The following CCDC60 variants were observed in gnomAD, a reference collection of about 807,000 sequenced individuals.
CCDC60 encodes coiled-coil domain containing 60.
CCDC60 carries 54 observed loss-of-function variants against 63.5 expected under a neutral mutation model. The ratio of observed to expected loss-of-function variants is 0.85; its 90% CI spans 0.68 to 1.07. The LOEUF (loss-of-function observed/expected upper bound fraction) is 1.07. CCDC60 is among the 50% of genes least tolerant of loss of function. The pLI is 0.00. For synonymous variants in CCDC60, 206 were observed against 238.8 expected (o/e 0.86, Z 1.27); for missense variants, 651 against 684.3 (o/e 0.95, Z 0.54).
At chr12:119,359,098 A>G (rs74437709) in intron 1 of CCDC60, among the ~76,000 whole-genome samples, 8,549 of 152,256 alleles carry the variant, frequency 0.056, 294 homozygotes, top group Non-Finnish European at 0.07. Flanking sequence ...ATCCTCAACA[A>G]TCTTGGTATT....
chr12:119,493,534 G>GA (rs3214102), intron 5 of CCDC60, among the ~76,000 whole-genome samples: 9,004 of 144,550 alleles, frequency 0.062, 325 homozygotes, highest in Non-Finnish European at 0.088. Context: ...GCTTTATTGA[G>GA]AAAAAAAAAA....
At chr12:119,388,540 G>A (rs1317062952) in intron 1 of CCDC60, among the ~76,000 whole-genome samples, 1 of 152,142 alleles carries the variant, frequency 6.6e-6, no homozygotes, top group Non-Finnish European at 1.5e-5. Flanking sequence ...CAAGATTGAG[G>A]ATCATCTATA....
chr12:119,415,034 C>T (rs185083729), intron 1 of CCDC60, among the ~76,000 whole-genome samples: 4 of 152,342 alleles, frequency 2.6e-5, no homozygotes, highest in Non-Finnish European at 5.9e-5. Context: ...ATGCAAAATG[C>T]TTAGCACAGT....
chr12:119,499,592 A>G (rs974367477), intron 5 of CCDC60, among the ~76,000 whole-genome samples: 7 of 152,192 alleles, frequency 4.6e-5, no homozygotes, highest in Non-Finnish European at 7.4e-5. Context: ...ATGCCCAGTC[A>G]ACCTCCAATC....
intron 1 of CCDC60, among the ~76,000 whole-genome samples, chr12:119,393,246 C>A (rs1455342663): frequency 6.6e-6 from 1 of 152,154 alleles, no homozygotes; most frequent in Non-Finnish European, 1.5e-5. Flanking sequence ...CAAACTCAAT[C>A]GTGTGTTTTT....
intron 2 of CCDC60, among the ~76,000 whole-genome samples, chr12:119,439,929 A>G (rs1220763427): frequency 6.6e-6 from 1 of 152,240 alleles, no homozygotes; most frequent in Non-Finnish European, 1.5e-5. Context: ...ACATGGAAGA[A>G]GCTGGAAGCC....
chr12:119,533,156 A>G (rs1303389275), intron 13 of CCDC60, among the ~76,000 whole-genome samples: 1 of 152,146 alleles, frequency 6.6e-6, no homozygotes, highest in Non-Finnish European at 1.5e-5. Context: ...ATTTGCAATT[A>G]TCTAATGACC....
intron 13 of CCDC60, 113 bp from the exon 14 acceptor site, chr12:119,540,501 C>T (rs1953130217): frequency 2.6e-6 from 2 of 764,596 alleles, no homozygotes; most frequent in Non-Finnish European, 4.5e-6. Context: ...AAATGGTATT[C>T]CTGGGGCCAC....
rs55694840 is a variant in CCDC60 at position 119,524,721 on chromosome 12, C to CTTTTTTTTTTTTTTTTTTTTTTTTT, written c.1229+922_1229+923insTTTTTTTTTTTTTTTTTTTTTTTTT. On this transcript the variant is annotated intron_variant, in intron 11 of 13. Coordinates refer to ENST00000327554, the MANE Select transcript of CCDC60 (RefSeq NM_178499.5). ...ACAGCAGTTTCTTTTCTTTTCTTTT[C>CTTTTTTTTTTTTTTTTTTTTTTTTT]TTTTTTTTTTTTTTTTTTTGAGACA... Among the ~76,000 whole-genome samples the CTTTTTTTTTTTTTTTTTTTTTTTTT allele has an allele frequency of 5.5e-4, 54 of 99,036 alleles. 3 individuals carry two copies. The highest frequency in any genetic ancestry group is 8.9e-4 in the African/African-American group (19 of 21,266). The allele number at this position is 99,036 out of a possible 152,430, so 65.0% of individuals were successfully genotyped here. A position where few individuals can be genotyped will look rare whatever the true frequency, so the allele number is the denominator to read the frequency against.
chr12:119,497,713 GA>G (rs1593174486), intron 5 of CCDC60, among the ~76,000 whole-genome samples: 1 of 150,660 alleles, frequency 6.6e-6, no homozygotes, highest in Admixed American at 6.6e-5. Context: ...AGGGAAATGC[GA>G]AAAGCCCTGT....
Position 119,420,824 on chromosome 12 carries a change from G to C in CCDC60, c.91-7859G>C, listed in dbSNP as rs1186332585. On this transcript the variant is annotated intron_variant, in intron 1 of 13. Coordinates refer to ENST00000327554, the MANE Select transcript of CCDC60 (RefSeq NM_178499.5). This position sits in a 1 kb window ranked among gnomAD's most constrained non-coding sequence, Gnocchi z 4.1. The stretch of plus-strand genomic sequence containing the variant: ...TGTATCAAAACAACTCATGTATTCC[G>C]TAAATATATGCACTTATTATGTACC... Among the ~76,000 whole-genome samples, 1 of 151,938 alleles carries C rather than the reference G, an allele frequency of 6.6e-6. No individual in the cohort carries two copies. The highest frequency in any genetic ancestry group is 1.5e-5 in the Non-Finnish European group (1 of 67,998).
chr12:119,521,187 T>G (rs1952519019), intron 9 of CCDC60, among the ~76,000 whole-genome samples: 1 of 152,248 alleles, frequency 6.6e-6, no homozygotes, highest in Non-Finnish European at 1.5e-5. Flanking sequence ...TTTGGATTAG[T>G]GTTGAGTATA....
chr12:119,493,832 GT>G (rs34382641), intron 5 of CCDC60, among the ~76,000 whole-genome samples: 2 of 151,682 alleles, frequency 1.3e-5, no homozygotes, highest in South Asian at 2.1e-4. Context: ...AATTCTGAGG[GT>G]TTTTTTTGTT....
intron 1 of CCDC60, among the ~76,000 whole-genome samples, chr12:119,403,209 G>A (rs1259676918): frequency 6.6e-6 from 1 of 152,030 alleles, no homozygotes; most frequent in Non-Finnish European, 1.5e-5. Flanking sequence ...TAAATACCTT[G>A]GTTTTTCTTT....
intron 1 of CCDC60, among the ~76,000 whole-genome samples, chr12:119,360,157 G>GC (rs1955762473): frequency 1.4e-5 from 2 of 148,126 alleles, no homozygotes; most frequent in African/African-American, 2.5e-5. Flanking sequence ...CTGGCCGGGC[G>GC]GGGGGCTGAC....
chr12:119,415,700 A>C (rs2136206464), intron 1 of CCDC60, among the ~76,000 whole-genome samples: 1 of 152,326 alleles, frequency 6.6e-6, no homozygotes, highest in African/African-American at 2.4e-5. Flanking sequence ...CTCTCTAGGA[A>C]GCAAAGTCAA....
At chr12:119,362,960 T>A (rs948558495) in intron 1 of CCDC60, among the ~76,000 whole-genome samples, 1 of 152,100 alleles carries the variant, frequency 6.6e-6, no homozygotes, top group Non-Finnish European at 1.5e-5. Context: ...TTAGCGGGTG[T>A]GGTGGCACAT....
intron 2 of CCDC60, among the ~76,000 whole-genome samples, chr12:119,435,746 A>AC (rs1950312325): frequency 6.6e-6 from 1 of 152,134 alleles, no homozygotes; most frequent in South Asian, 2.1e-4. Context: ...ATAACAAACT[A>AC]CCCCCAAAAC....
chr12:119,361,589 C>T (rs1211928526), intron 1 of CCDC60, among the ~76,000 whole-genome samples: 1 of 152,134 alleles, frequency 6.6e-6, no homozygotes, highest in Non-Finnish European at 1.5e-5. Flanking sequence ...GAGTTATTCA[C>T]TTGGAGCCCA....
Sources: gnomAD v4.1 joint callset for allele counts (sites outside exome capture counted in the v4.1 genomes callset) on GRCh38, gnomAD v4.1.1 for gene constraint, Gnocchi (gnomAD v3.1) non-coding constraint, MANE v1.5 for transcripts, NCBI Gene and HGNC (gene_info 2026-07-23, HGNC 2026-07-21) for gene names.